Variants in FAM184B observed in about 807,000 individuals in gnomAD.
FAM184B encodes protein FAM184B.
In FAM184B, 111 loss-of-function variants were observed where a neutral mutation model predicts 135.9. The ratio of observed to expected loss-of-function variants is 0.82; its 90% CI spans 0.70 to 0.96. FAM184B has a LOEUF of 0.96. FAM184B is among the 40% of genes least tolerant of loss of function. The probability of loss-of-function intolerance (pLI) is 0.00; values close to 1 mark genes in which losing one functional copy is unlikely to be tolerated. For synonymous variants in FAM184B, 552 were observed against 524.8 expected, an observed-to-expected ratio of 1.05 and a Z score of -0.71; for missense variants, 1,375 against 1,323.9, an observed-to-expected ratio of 1.04 and a Z score of -0.60.
intron 1 of FAM184B, among the ~76,000 whole-genome samples, chr4:17,771,097 C>T (rs1004587227): frequency 6.6e-6 from 1 of 152,170 alleles, no homozygotes; most frequent in Non-Finnish European, 1.5e-5. Flanking sequence ...TATGAACATT[C>T]TTGCGTCATT....
chr4:17,641,988 A>AG lies in FAM184B; in HGVS notation c.2519+67dup, dbSNP rs1283257914. ...GGTCTCAGGCTCAGCCAGCCGCAGTAGGGGGAGGGGGGGTGGCGGGGTAGG... is the reference window on the plus strand; with the variant it reads ...GGTCTCAGGCTCAGCCAGCCGCAGTAGGGGGGAGGGGGGGTGGCGGGGTAGG... On this transcript the variant is annotated intron_variant, in intron 13 of 17. Transcript: ENST00000265018. The AG allele has an allele frequency of 4.9e-5, 47 of 964,228 alleles. No individual in the cohort carries two copies. The African/African-American group carries it at 1.8e-3, about 36-fold the overall frequency. 59.7% of individuals were successfully genotyped at this position (964,228 alleles called of 1,614,324 possible).
intron 14 of FAM184B, among the ~76,000 whole-genome samples, chr4:17,638,666 G>T (rs892412768): frequency 6.6e-6 from 1 of 152,166 alleles, no homozygotes; most frequent in Non-Finnish European, 1.5e-5. Context: ...ATGTTTGCAT[G>T]AGGGACCAGT....
At chr4:17,728,739 A>C (rs1483509661) in intron 1 of FAM184B, among the ~76,000 whole-genome samples, 1 of 152,182 alleles carries the variant, frequency 6.6e-6, no homozygotes, top group Non-Finnish European at 1.5e-5. Flanking sequence ...GGATTACAGT[A>C]GATTTAAATT....
chr4:17,664,522 A>C, intron 8 of FAM184B, 40 bp downstream of exon 8: 1 of 1,407,802 alleles, frequency 7.1e-7, no homozygotes, highest in Non-Finnish European at 9.8e-7. Flanking sequence ...CTGAGTCCTC[A>C]TTCAATGGAG....
chr4:17,747,607 C>T (rs1371042163), intron 1 of FAM184B, among the ~76,000 whole-genome samples: 1 of 152,014 alleles, frequency 6.6e-6, no homozygotes, highest in East Asian at 1.9e-4. Context: ...GCTGGGCCAT[C>T]GTGGTGAAAT....
At chr4:17,755,056 T>C (rs889743325) in intron 1 of FAM184B, among the ~76,000 whole-genome samples, 2 of 152,018 alleles carry the variant, frequency 1.3e-5, no homozygotes, top group African/African-American at 2.4e-5. Flanking sequence ...GAATGGGGTC[T>C]TGCTGTGTTT....
rs573934428 is a variant in FAM184B at position 17,753,322 on chromosome 4, T to C, written c.141+27837A>G. Among the ~76,000 whole-genome samples the C allele has an allele frequency of 2.6e-5, 4 of 152,364 alleles. No individual in the cohort carries two copies. In the East Asian group the frequency reaches 5.8e-4, roughly 22 times the overall value. On this transcript the variant is annotated intron_variant, in intron 1 of 17. Transcript: ENST00000265018. ...TACATGAAGGATCTCAAAAATGTTT[T>C]AGGTATAAAGGAATAAGCTTGAACT...
At chr4:17,633,933 CAAAAT>C (rs16343) in intron 16 of FAM184B, 45 bp from the exon 17 acceptor site, 780,244 of 1,327,290 alleles carry the variant, frequency 0.59, 238,215 homozygotes, top group East Asian at 0.9. Context: ...ATGCAAAAAA[CAAAAT>C]AAAGCATTAT....
intron 1 of FAM184B, among the ~76,000 whole-genome samples, chr4:17,751,881 C>T (rs562103869): frequency 1.6e-3 from 167 of 101,224 alleles, no homozygotes; most frequent in African/African-American, 4.9e-3. Flanking sequence ...GAACCAGGCA[C>T]GCAAGTTCAG....
chr4:17,738,129 AT>A, intron 1 of FAM184B, among the ~76,000 whole-genome samples: 1 of 152,230 alleles, frequency 6.6e-6, no homozygotes, highest in South Asian at 2.1e-4. Flanking sequence ...GACCAAAGTG[AT>A]TGGCATAGGA....
intron 1 of FAM184B, among the ~76,000 whole-genome samples, chr4:17,748,875 A>T (rs971363076): frequency 1.3e-5 from 2 of 151,932 alleles, no homozygotes; most frequent in Non-Finnish European, 2.9e-5. Flanking sequence ...TCACCCAGAC[A>T]TGAGTGTATT....
rs1553829713 is a variant in FAM184B, at chr4:17,652,146, T to TTTGG, written c.2191+683_2191+684insCCAA. 7.6e-5 allele frequency among the ~76,000 whole-genome samples: 10 copies of TTTGG among 131,926 alleles called. No homozygotes were observed. In the South Asian group the frequency reaches 9.5e-4, roughly 13 times the overall value. 86.5% of individuals were successfully genotyped at this position (131,926 alleles called of 152,430 possible). A position where few individuals can be genotyped will look rare whatever the true frequency, so the allele number is the denominator to read the frequency against. ...TTTAATATCTTTTTTTTTTTTTTTTTTTGAGTCTTGCACTGTCGCCCAGGC... is the reference window on the plus strand; with the variant it reads ...TTTAATATCTTTTTTTTTTTTTTTTTTTGGTTGAGTCTTGCACTGTCGCCCAGGC... On this transcript the variant is annotated intron_variant, in intron 11 of 17. Coordinates refer to ENST00000265018, the MANE Select transcript of FAM184B (RefSeq NM_015688.2).
At chr4:17,686,965 T>C (rs1327897243) in intron 7 of FAM184B, among the ~76,000 whole-genome samples, 2 of 152,144 alleles carry the variant, frequency 1.3e-5, no homozygotes, top group Non-Finnish European at 2.9e-5. Flanking sequence ...TCCAGTGAAG[T>C]CAAAGATGAG....
chr4:17,635,089 C>G lies in FAM184B; in HGVS notation c.2809G>C (p.Ala937Pro). 6.4e-7 allele frequency: 1 copy of G among 1,551,554 alleles called. No homozygotes were observed. The highest frequency in any genetic ancestry group is 1.4e-5 in the African/African-American group (1 of 73,156). ...LTEERRFHYA[A>P]FPSAMSHRNR... The stretch of plus-strand genomic sequence containing the variant: ...CGGTGGGACATGGCACTGGGGAATG[C>G]TGCGTAGTGAAATCTTCTCTCTTCC... Residue 937 changes from alanine to proline, a missense_variant, in exon 16 of 18, where the codon GCA becomes CCA. Transcript: ENST00000265018.
Position 17,709,280 on chromosome 4 carries a change from TC to T in FAM184B, c.505del (p.Glu169ArgfsTer30), listed in dbSNP as rs1198588575. The T allele has an allele frequency of 9.7e-6, 15 of 1,548,156 alleles. No homozygotes were observed. The highest frequency in any genetic ancestry group is 1.3e-5 in the Non-Finnish European group (15 of 1,145,324). ...GGGCAGCCGGCCCTGCGGGGTAGCC[TC>T]GTGGCTCGTCAGGTGCTGGAGCCTC... ...ERRLQHLTSH[E>X]ATPQGRLPQE... is the part of the protein sequence containing the mutation. On this transcript the variant is annotated frameshift_variant, in exon 2 of 18. Transcript: ENST00000265018. LOFTEE classifies it high-confidence loss of function.
At chr4:17,711,522 G>C (rs1432516415) in intron 1 of FAM184B, among the ~76,000 whole-genome samples, 1 of 151,914 alleles carries the variant, frequency 6.6e-6, no homozygotes, top group Non-Finnish European at 1.5e-5. Flanking sequence ...AAAAAGCTGG[G>C]CATGGTGGCA....
intron 7 of FAM184B, among the ~76,000 whole-genome samples, chr4:17,684,719 G>A (rs1716537433): frequency 1.3e-5 from 2 of 152,152 alleles, no homozygotes; most frequent in South Asian, 4.1e-4. Flanking sequence ...CTCTATAGAG[G>A]AGGCATCTGC....
intron 10 of FAM184B, among the ~76,000 whole-genome samples, chr4:17,656,764 G>T (rs1444511645): frequency 2.0e-5 from 3 of 152,106 alleles, no homozygotes; most frequent in African/African-American, 7.2e-5. Flanking sequence ...AGTATAAAGA[G>T]CCAAATAGTA....
At chr4:17,724,225 T>C (rs1717593875) in intron 1 of FAM184B, among the ~76,000 whole-genome samples, 1 of 152,172 alleles carries the variant, frequency 6.6e-6, no homozygotes. Context: ...TATCTTTAGA[T>C]GGTAAGATTA....
Sources: allele counts gnomAD v4.1 joint callset (sites outside exome capture counted in the v4.1 genomes callset), GRCh38; gene constraint gnomAD v4.1.1; transcripts MANE v1.5; gene names NCBI Gene and HGNC (gene_info 2026-07-23, HGNC 2026-07-21).